Variants in SCFD1 observed in about 807,000 individuals in gnomAD.
SCFD1 encodes the protein sec1 family domain containing 1.
A neutral mutation model predicts 103.2 loss-of-function variants in SCFD1; 37 were observed. The observed-to-expected ratio is 0.36, with a 90% CI of 0.28 to 0.47. The LOEUF (loss-of-function observed/expected upper bound fraction) is 0.47, where lower values mean the gene tolerates loss of function less well. Ranked by LOEUF, SCFD1 falls within the 20% of genes least tolerant of loss-of-function variation. SCFD1 has a pLI of 1.00. For missense variants in SCFD1, 639 were observed against 761.2 expected, an observed-to-expected ratio of 0.84 and a Z score of 1.89; for synonymous variants, 264 against 245.0, an observed-to-expected ratio of 1.08 and a Z score of -0.73.
chr14:30,694,139 A>T (rs1160819679), intron 14 of SCFD1, among the ~76,000 whole-genome samples: 1 of 152,236 alleles, frequency 6.6e-6, no homozygotes, highest in Admixed American at 6.5e-5. Context: ...GTGGATTTGC[A>T]CACTAAAATA....
chr14:30,715,314 C>T (rs1035324769), intron 19 of SCFD1: 1 of 152,080 alleles, frequency 6.6e-6, no homozygotes, highest in African/African-American at 2.4e-5. Context: ...GGCATGGTGG[C>T]TCACGCCTGT....
intron 19 of SCFD1, among the ~76,000 whole-genome samples, chr14:30,708,296 G>C (rs756220099): frequency 6.6e-6 from 1 of 151,980 alleles, no homozygotes; most frequent in Non-Finnish European, 1.5e-5. Context: ...CATCACCTAG[G>C]TATTAAGCCC....
chr14:30,680,536 T>C (rs558899634), intron 14 of SCFD1, among the ~76,000 whole-genome samples: 1 of 152,350 alleles, frequency 6.6e-6, no homozygotes, highest in South Asian at 2.1e-4. Context: ...TACCATGCTG[T>C]AGTTCCATAA....
intron 7 of SCFD1, chr14:30,644,025 C>T: frequency 2.2e-6 from 1 of 455,556 alleles, no homozygotes; most frequent in South Asian, 1.6e-5. Context: ...TCAGGTAGAC[C>T]CCAATATCTA....
chr14:30,728,447 G>A (rs1893204604), intron 23 of SCFD1, among the ~76,000 whole-genome samples: 2 of 152,152 alleles, frequency 1.3e-5, no homozygotes, highest in South Asian at 4.1e-4. Flanking sequence ...TAATGTTAAA[G>A]GTGATTCCTG....
intron 14 of SCFD1, among the ~76,000 whole-genome samples, chr14:30,683,876 G>T (rs1416504867): frequency 6.6e-6 from 1 of 152,130 alleles, no homozygotes; most frequent in Non-Finnish European, 1.5e-5. Flanking sequence ...CTGCTGAATG[G>T]TTATTGGGGA....
intron 15 of SCFD1, among the ~76,000 whole-genome samples, chr14:30,697,687 G>A (rs1156277159): frequency 7.9e-5 from 12 of 152,170 alleles, no homozygotes; most frequent in Non-Finnish European, 1.3e-4. Flanking sequence ...CATCACTGTT[G>A]TGATATTCTT....
chr14:30,658,698 T>G (rs1887149689), intron 10 of SCFD1, among the ~76,000 whole-genome samples: 1 of 152,192 alleles, frequency 6.6e-6, no homozygotes. Context: ...TAGCTAAGAT[T>G]ATAGCTAATG....
intron 19 of SCFD1, among the ~76,000 whole-genome samples, chr14:30,710,913 TA>T (rs926281291): frequency 3.3e-5 from 5 of 152,218 alleles, no homozygotes; most frequent in African/African-American, 1.2e-4. Flanking sequence ...ATAAACAGTT[TA>T]AACTATAAAT....
At chr14:30,642,563 G>A (rs1218185265) in intron 6 of SCFD1, among the ~76,000 whole-genome samples, 1 of 152,164 alleles carries the variant, frequency 6.6e-6, no homozygotes, top group African/African-American at 2.4e-5. Context: ...TAGATTAGAA[G>A]AGAAATTTAT....
rs372887613 is a variant in SCFD1 at position 30,622,365 on chromosome 14, A to G, written c.27A>G (p.Ala9=). MAAAAAAT[A]AAAASIRERQ... ...TGGCGGCGGCGGCGGCAGCGACAGC[A>G]GCAGCAGCAGCCAGTATTCGGGAAA... The change falls in exon 1 of 25, where the codon GCA becomes GCG. Residue 9 remains alanine (A), a synonymous_variant. Transcript: ENST00000458591. 25 of 1,561,850 alleles carry G rather than the reference A, an allele frequency of 1.6e-5. No individual in the cohort carries two copies. In the Middle Eastern group the frequency reaches 5.0e-4, roughly 31 times the overall value.
intron 15 of SCFD1, among the ~76,000 whole-genome samples, chr14:30,697,058 A>C (rs2139321878): frequency 6.6e-6 from 1 of 151,794 alleles, no homozygotes; most frequent in Middle Eastern, 3.4e-3. Context: ...ATAAATATAG[A>C]TTGTATGTTG....
At chr14:30,694,978 A>C in intron 15 of SCFD1, 109 bp downstream of exon 15, 1 of 1,486,348 alleles carries the variant, frequency 6.7e-7, no homozygotes, top group Non-Finnish European at 8.9e-7. Context: ...AGTCAATGCT[A>C]ATATCAAGAT....
chr14:30,716,123 G>C (rs1004811651), intron 20 of SCFD1, 146 bp downstream of exon 20: 7 of 618,158 alleles, frequency 1.1e-5, no homozygotes, highest in East Asian at 3.2e-5. Flanking sequence ...TTCTCAAGAA[G>C]CCTTTTTTAG....
intron 24 of SCFD1, 190 bp downstream of exon 24, chr14:30,735,048 A>T (rs1344932760): frequency 2.0e-6 from 1 of 507,034 alleles, no homozygotes; most frequent in Non-Finnish European, 3.5e-6. Context: ...TTCCAGTAGG[A>T]GTTTGCCCAT....
Position 30,720,116 on chromosome 14 carries a change from A to G in SCFD1, c.1736+739A>G, listed in dbSNP as rs188299838. Among the ~76,000 whole-genome samples, 357 of 152,330 alleles carry G rather than the reference A, an allele frequency of 2.3e-3. 8 individuals are homozygous for G. The highest frequency in any genetic ancestry group is 0.021 in the Admixed American group (316 of 15,296). On this transcript the variant is annotated intron_variant, in intron 21 of 24. Transcript: ENST00000458591. The stretch of plus-strand genomic sequence containing the variant: ...GTATCCCAAGCTTTCGTATCTTTGT[A>G]GATGGTGTGAAAATAATCTAGTCAT...
In SCFD1 at chr14:30,702,391, T is replaced by C; in HGVS notation, c.1490+16T>C. On this transcript the variant is annotated intron_variant, in intron 17 of 24. Transcript: ENST00000458591. ...AACAGTGGAAGTAAGTTTTATTTTC[T>C]TCTTTAATTCCTGTCATTTAAAAGA... 6.8e-7 allele frequency: 1 copy of C among 1,460,204 alleles called. No individual in the cohort carries two copies. The highest frequency in any genetic ancestry group is 9.4e-7 in the Non-Finnish European group (1 of 1,062,050). The allele number at this position is 1,460,204 out of a possible 1,614,324, so 90.5% of individuals were successfully genotyped here. A position where few individuals can be genotyped will look rare whatever the true frequency, so the allele number is the denominator to read the frequency against.
At chr14:30,719,018 CTGTA>C (rs1348904000) in intron 20 of SCFD1, among the ~76,000 whole-genome samples, 2 of 152,146 alleles carry the variant, frequency 1.3e-5, no homozygotes, top group African/African-American at 4.8e-5. Flanking sequence ...GGTTCAAATC[CTGTA>C]GTTCCCATAC....
chr14:30,666,158 A>G (rs2139179987), intron 10 of SCFD1, among the ~76,000 whole-genome samples: 1 of 152,328 alleles, frequency 6.6e-6, no homozygotes, highest in East Asian at 1.9e-4. Context: ...GTTGGTAGTA[A>G]AGCACTCCTC....
Sources: allele counts gnomAD v4.1 joint callset (sites outside exome capture counted in the v4.1 genomes callset), GRCh38; gene constraint gnomAD v4.1.1; transcripts MANE v1.5; gene names NCBI Gene and HGNC (gene_info 2026-07-23, HGNC 2026-07-21).